The following LRP1B variants were observed in gnomAD, a reference collection of about 807,000 sequenced individuals.
LRP1B encodes low-density lipoprotein receptor-related protein 1B.
Under a neutral mutation model 556.6 loss-of-function variants are expected in LRP1B, and 217 were observed. The observed-to-expected ratio is 0.39, with a 90% CI of 0.35 to 0.44. The LOEUF is 0.44. Ranked by LOEUF, LRP1B falls within the 20% of genes least tolerant of loss-of-function variation. The pLI is 1.00. For synonymous variants in LRP1B, 2,047 were observed against 1,865.8 expected, an observed-to-expected ratio of 1.10 and a Z score of -2.50; for missense variants, 5,053 against 5,620.8, an observed-to-expected ratio of 0.90 and a Z score of 3.23.
At chr2:141,581,465 C>T (rs1397908624) in intron 2 of LRP1B, among the ~76,000 whole-genome samples, 2 of 152,124 alleles carry the variant, frequency 1.3e-5, no homozygotes, top group East Asian at 1.9e-4. Context: ...AGGGTAAAAT[C>T]TTTAAAGTAA....
At chr2:140,287,899 A>G (rs1683214289) in intron 84 of LRP1B, among the ~76,000 whole-genome samples, 1 of 48,460 alleles carries the variant, frequency 2.1e-5, no homozygotes, top group African/African-American at 6.0e-5. Context: ...TATTTGTTGG[A>G]ACTTTCACTT....
At chr2:141,814,085 A>G (rs1460718060) in intron 1 of LRP1B, among the ~76,000 whole-genome samples, 1 of 152,186 alleles carries the variant, frequency 6.6e-6, no homozygotes, top group Non-Finnish European at 1.5e-5. Flanking sequence ...CTTTATGCAA[A>G]TTAAGACTTT....
chr2:141,321,099 C>G (rs915049677), intron 3 of LRP1B, among the ~76,000 whole-genome samples: 2 of 152,036 alleles, frequency 1.3e-5, no homozygotes, highest in Non-Finnish European at 2.9e-5. Context: ...AGCCATGTAA[C>G]ATGAAAACAT....
chr2:141,415,734 C>CT (rs35307021), intron 3 of LRP1B, among the ~76,000 whole-genome samples: 9,755 of 151,468 alleles, frequency 0.064, 1,054 homozygotes, highest in African/African-American at 0.22. Flanking sequence ...CATTTCAGTT[C>CT]TTTTTTTTTA....
chr2:140,572,031 A>G (rs1681342037), intron 43 of LRP1B, among the ~76,000 whole-genome samples: 1 of 151,772 alleles, frequency 6.6e-6, no homozygotes, highest in Non-Finnish European at 1.5e-5. Context: ...TTGAAGCTAT[A>G]AAACTACTAA....
chr2:141,303,739 G>A (rs1167629812), intron 3 of LRP1B, among the ~76,000 whole-genome samples: 3 of 152,086 alleles, frequency 2.0e-5, no homozygotes, highest in African/African-American at 7.2e-5. Flanking sequence ...AGAGATGCAG[G>A]TATCCCTTTG....
At chr2:141,124,236 A>G (rs1701140468) in intron 7 of LRP1B, among the ~76,000 whole-genome samples, 1 of 152,168 alleles carries the variant, frequency 6.6e-6, no homozygotes, top group Non-Finnish European at 1.5e-5. Flanking sequence ...AATTGTTTGC[A>G]TAGTTTATGT....
At chr2:141,850,948 A>G (rs1332939143) in intron 1 of LRP1B, among the ~76,000 whole-genome samples, 1 of 151,610 alleles carries the variant, frequency 6.6e-6, no homozygotes, top group East Asian at 1.9e-4. Flanking sequence ...AAAATATATA[A>G]CTCCTTTGGG....
intron 66 of LRP1B, among the ~76,000 whole-genome samples, chr2:140,388,903 C>T (rs1191193313): frequency 1.3e-5 from 2 of 152,142 alleles, no homozygotes; most frequent in African/African-American, 4.8e-5. Context: ...CATCAGTATT[C>T]ATTGAAGCTA....
At chr2:140,905,177 G>C (rs1265959696) in intron 22 of LRP1B, among the ~76,000 whole-genome samples, 1 of 152,032 alleles carries the variant, frequency 6.6e-6, no homozygotes, top group Non-Finnish European at 1.5e-5. Flanking sequence ...AAAAACTGCA[G>C]ACTCTCAGCA....
chr2:142,066,870 G>A (rs1705128127), intron 1 of LRP1B, among the ~76,000 whole-genome samples: 1 of 151,458 alleles, frequency 6.6e-6, no homozygotes. Context: ...CAAATCAGTG[G>A]TTTAAAACAA....
intron 41 of LRP1B, among the ~76,000 whole-genome samples, chr2:140,640,556 C>T (rs1206516103): frequency 1.3e-5 from 2 of 149,678 alleles, no homozygotes; most frequent in East Asian, 2.0e-4. Context: ...CCACCATGCC[C>T]GGCTAATTTT....
intron 66 of LRP1B, among the ~76,000 whole-genome samples, chr2:140,423,375 T>C (rs1685527854): frequency 6.6e-6 from 1 of 152,170 alleles, no homozygotes; most frequent in Non-Finnish European, 1.5e-5. Flanking sequence ...AGCTTTTTTT[T>C]AATTAAAAAT....
intron 7 of LRP1B, among the ~76,000 whole-genome samples, chr2:141,087,120 G>A (rs760622639): frequency 2.6e-5 from 4 of 152,168 alleles, no homozygotes; most frequent in Middle Eastern, 3.2e-3. Context: ...GAAACCAGTT[G>A]ATTGTCTCCA....
At chr2:141,250,903 G>C (rs1315693001) in intron 4 of LRP1B, among the ~76,000 whole-genome samples, 2 of 152,174 alleles carry the variant, frequency 1.3e-5, no homozygotes, top group Non-Finnish European at 2.9e-5. Context: ...AAAATCCCCA[G>C]CGGAGGGGTA....
chr2:141,161,499 G>T (rs1558902065), intron 7 of LRP1B, among the ~76,000 whole-genome samples: 1 of 152,124 alleles, frequency 6.6e-6, no homozygotes, highest in Non-Finnish European at 1.5e-5. Context: ...GAAAAGACTA[G>T]AATTCTATCA....
At chr2:142,061,441 G>A (rs1704906823) in intron 1 of LRP1B, among the ~76,000 whole-genome samples, 1 of 151,878 alleles carries the variant, frequency 6.6e-6, no homozygotes, top group Non-Finnish European at 1.5e-5. Flanking sequence ...TTCTTTCTAG[G>A]GAATACAATA....
intron 2 of LRP1B, among the ~76,000 whole-genome samples, chr2:141,522,100 C>T (rs1334837415): frequency 6.6e-6 from 1 of 152,124 alleles, no homozygotes; most frequent in Non-Finnish European, 1.5e-5. Flanking sequence ...TCATAGATTA[C>T]AGCAGCAGTA....
At chr2:141,766,707 A>G (rs1694745875) in intron 2 of LRP1B, among the ~76,000 whole-genome samples, 1 of 152,176 alleles carries the variant, frequency 6.6e-6, no homozygotes, top group Non-Finnish European at 1.5e-5. Context: ...GGCTTCAATC[A>G]TGGCACAGAA....
Sources: gnomAD v4.1 joint callset for allele counts (sites outside exome capture counted in the v4.1 genomes callset) on GRCh38, gnomAD v4.1.1 for gene constraint, MANE v1.5 for transcripts, NCBI Gene and HGNC (gene_info 2026-07-23, HGNC 2026-07-21) for gene names.